The following HECW2 variants were observed in gnomAD, a reference collection of about 807,000 sequenced individuals.
The protein encoded by HECW2 is E3 ubiquitin-protein ligase HECW2.
A neutral mutation model predicts 175.2 loss-of-function variants in HECW2; 61 were observed. The ratio of observed to expected loss-of-function variants is 0.35; its 90% CI spans 0.28 to 0.43. The LOEUF is 0.43. HECW2 is among the 20% of genes least tolerant of loss of function. The pLI is 1.00. For synonymous variants in HECW2, 671 were observed against 731.0 expected (o/e 0.92, Z 1.32); for missense variants, 1,524 against 2,000.5 (o/e 0.76, Z 4.54).
At chr2:196,385,425 T>A (rs1427318464) in intron 2 of HECW2, among the ~76,000 whole-genome samples, 1 of 152,162 alleles carries the variant, frequency 6.6e-6, no homozygotes, top group Non-Finnish European at 1.5e-5. Flanking sequence ...GTAATTAATT[T>A]TCCATCATGC....
At chr2:196,216,012 G>C (rs373188703) in intron 27 of HECW2, 35 bp from the exon 28 acceptor site, 2 of 1,458,182 alleles carry the variant, frequency 1.4e-6, no homozygotes, top group Non-Finnish European at 9.6e-7. Context: ...AGAAGGTGAA[G>C]CCAGAGACCA....
At chr2:196,380,690 T>G (rs1694183938) in intron 2 of HECW2, among the ~76,000 whole-genome samples, 3 of 152,280 alleles carry the variant, frequency 2.0e-5, no homozygotes, top group South Asian at 4.1e-4. Context: ...ATGAGGTTTT[T>G]GGGGAAGCTC....
At chr2:196,341,459 C>A (rs184102074) in intron 3 of HECW2, among the ~76,000 whole-genome samples, 1 of 152,298 alleles carries the variant, frequency 6.6e-6, no homozygotes, top group East Asian at 1.9e-4. Context: ...TCACTTATTT[C>A]TTCATTACTT....
At chr2:196,287,029 T>C (rs1044874397) in intron 14 of HECW2, among the ~76,000 whole-genome samples, 1 of 152,200 alleles carries the variant, frequency 6.6e-6, no homozygotes, top group Non-Finnish European at 1.5e-5. Context: ...CACAGGCTAT[T>C]AGGGTCTGGT....
At chr2:196,260,989 C>T (rs532382452) in intron 17 of HECW2, among the ~76,000 whole-genome samples, 4 of 152,206 alleles carry the variant, frequency 2.6e-5, no homozygotes, top group African/African-American at 9.6e-5. Flanking sequence ...CATATGACTT[C>T]GGGTCCCATG....
At chr2:196,567,370 A>T (rs1690223910) in intron 1 of HECW2, among the ~76,000 whole-genome samples, 1 of 152,198 alleles carries the variant, frequency 6.6e-6, no homozygotes, top group South Asian at 2.1e-4. Flanking sequence ...TCATATCCAA[A>T]CAATCATAGA....
At chr2:196,475,772 G>A (rs985134900) in intron 1 of HECW2, among the ~76,000 whole-genome samples, 13 of 152,206 alleles carry the variant, frequency 8.5e-5, no homozygotes, top group Non-Finnish European at 1.8e-4. Context: ...AATCACTGTG[G>A]TCTGAGAGGT....
intron 2 of HECW2, among the ~76,000 whole-genome samples, chr2:196,427,702 T>C (rs142983198): frequency 3.9e-5 from 6 of 152,272 alleles, no homozygotes; most frequent in African/African-American, 7.2e-5. Flanking sequence ...GCCTAGTGAT[T>C]TCCGCAAACC....
chr2:196,337,883 C>G (rs4296447), intron 3 of HECW2, among the ~76,000 whole-genome samples: 29,391 of 151,946 alleles, frequency 0.19, 3,052 homozygotes, highest in Middle Eastern at 0.32. Context: ...CAGCTGAAGC[C>G]AGTCATAGAT....
At position 196,215,982 on chromosome 2, in the gene HECW2, C is replaced by G. The variant is rs754354742; in HGVS notation, c.4495-5G>C. The G allele has an allele frequency of 2.5e-6, 4 of 1,603,738 alleles. No individual in the cohort carries two copies. The East Asian group carries it at 8.9e-5, about 36-fold the overall frequency. On this transcript the variant is annotated splice_region_variant and splice_polypyrimidine_tract_variant and intron_variant, in intron 27 of 28. Transcript: ENST00000644978. ...GCTGGATGTGCCTGTAACAAACTGT[C>G]AACCCAAGAAAACAGAAGGAGAAGG...
chr2:196,556,747 A>G (rs1300550784), intron 1 of HECW2, among the ~76,000 whole-genome samples: 1 of 152,234 alleles, frequency 6.6e-6, no homozygotes, highest in Non-Finnish European at 1.5e-5. Context: ...GTAATCTTGG[A>G]GTGGAGATAG....
At chr2:196,507,487 GTAGT>G (rs762256617) in intron 1 of HECW2, among the ~76,000 whole-genome samples, 2 of 152,190 alleles carry the variant, frequency 1.3e-5, no homozygotes, top group Non-Finnish European at 2.9e-5. Flanking sequence ...CTAGCATACA[GTAGT>G]TAGAGGCCAG....
At chr2:196,306,750 T>C (rs1691280527) in intron 12 of HECW2, 138 bp from the exon 13 acceptor site, 1 of 869,746 alleles carries the variant, frequency 1.1e-6, no homozygotes, top group Non-Finnish European at 1.6e-6. Context: ...CCAATGCTTT[T>C]TTCTTTGCTG....
At chr2:196,570,964 G>C (rs1690364695) in intron 1 of HECW2, among the ~76,000 whole-genome samples, 1 of 152,138 alleles carries the variant, frequency 6.6e-6, no homozygotes, top group Admixed American at 6.5e-5. Flanking sequence ...GATGTTCAAA[G>C]AACGTATGGC....
intron 1 of HECW2, among the ~76,000 whole-genome samples, chr2:196,522,977 A>T (rs1688467832): frequency 6.6e-6 from 1 of 152,108 alleles, no homozygotes; most frequent in South Asian, 2.1e-4. Flanking sequence ...TTTTGGTTCC[A>T]TATGAACTTT....
At chr2:196,269,071 T>C (rs1689627727) in intron 17 of HECW2, among the ~76,000 whole-genome samples, 2 of 152,358 alleles carry the variant, frequency 1.3e-5, no homozygotes, top group Admixed American at 1.3e-4. Flanking sequence ...CAAATGTTAT[T>C]AACCATGTGA....
intron 2 of HECW2, among the ~76,000 whole-genome samples, chr2:196,351,934 C>G (rs541324651): frequency 6.6e-6 from 1 of 152,162 alleles, no homozygotes; most frequent in South Asian, 2.1e-4. Flanking sequence ...AATTTACCAG[C>G]AAGTACCAGG....
At chr2:196,580,901 T>G (rs977466839) in intron 1 of HECW2, among the ~76,000 whole-genome samples, 1 of 152,310 alleles carries the variant, frequency 6.6e-6, no homozygotes, top group East Asian at 1.9e-4. Context: ...ATCCTCATTG[T>G]CCATCAACTG....
At chr2:196,522,706 G>C (rs1479358777) in intron 1 of HECW2, among the ~76,000 whole-genome samples, 3 of 150,036 alleles carry the variant, frequency 2.0e-5, no homozygotes, top group South Asian at 4.2e-4. Context: ...TGGCTAGCCA[G>C]TTTTCCCAGC....
Sources: gnomAD v4.1 joint callset for allele counts (sites outside exome capture counted in the v4.1 genomes callset) on GRCh38, gnomAD v4.1.1 for gene constraint, MANE v1.5 for transcripts, NCBI Gene and HGNC (gene_info 2026-07-23, HGNC 2026-07-21) for gene names.